Variants in SORBS2 observed in about 807,000 individuals in gnomAD.
SORBS2 encodes the protein sorbin and SH3 domain-containing protein 2.
Under a neutral mutation model 97.7 loss-of-function variants are expected in SORBS2, and 46 were observed. The ratio of observed to expected loss-of-function variants is 0.47; its 90% CI spans 0.37 to 0.60. The LOEUF (loss-of-function observed/expected upper bound fraction) is 0.60. Among genes scored for constraint, SORBS2 ranks in the 20% least tolerant of loss-of-function variants. The probability of loss-of-function intolerance (pLI) is 0.00; values close to 1 mark genes in which losing one functional copy is unlikely to be tolerated. For synonymous variants in SORBS2, 476 were observed against 473.4 expected (o/e 1.01, Z -0.07); for missense variants, 1,316 against 1,282.3 (o/e 1.03, Z -0.40).
intron 1 of SORBS2, among the ~76,000 whole-genome samples, chr4:185,911,386 C>T (rs1435281463): frequency 2.6e-5 from 4 of 152,008 alleles, no homozygotes; most frequent in African/African-American, 9.7e-5. Flanking sequence ...CACCACCATG[C>T]CTGGCTAATT....
chr4:185,724,106 T>C (rs1447678755), intron 2 of SORBS2, among the ~76,000 whole-genome samples: 4 of 152,230 alleles, frequency 2.6e-5, no homozygotes, highest in African/African-American at 9.6e-5. Context: ...CCTTTCGTTG[T>C]TTCAACTTCC....
At position 185,747,130 on chromosome 4, in the gene SORBS2, C is replaced by T. The variant is rs2098766862; in HGVS notation, c.-198+28097G>A. Among the ~76,000 whole-genome samples the T allele has an allele frequency of 2.0e-5, 3 of 152,086 alleles. No individual in the cohort carries two copies. The South Asian group carries it at 6.2e-4, about 32-fold the overall frequency. On this transcript the variant is annotated intron_variant, in intron 2 of 20. Transcript: ENST00000284776. Reference sequence around the variant, plus strand: ...GACACACAAAAAAGACACCAGACACCAGGGATGCATTCATAGAGGAAAGGC... The same window carrying T: ...GACACACAAAAAAGACACCAGACACTAGGGATGCATTCATAGAGGAAAGGC...
At chr4:185,890,615 A>G (rs531774149) in intron 1 of SORBS2, among the ~76,000 whole-genome samples, 1 of 152,220 alleles carries the variant, frequency 6.6e-6, no homozygotes, top group South Asian at 2.1e-4. Flanking sequence ...ATCACGCTCC[A>G]CTCAGTGGTC....
chr4:185,649,369 C>T (rs1337591728), intron 3 of SORBS2, 98 bp downstream of exon 12: 2 of 986,388 alleles, frequency 2.0e-6, no homozygotes, highest in African/African-American at 1.7e-5. Context: ...CACATCCGCT[C>T]TCTCTGTGGC....
chr4:185,874,317 C>G (rs189014782), intron 1 of SORBS2, among the ~76,000 whole-genome samples: 1 of 151,946 alleles, frequency 6.6e-6, no homozygotes, highest in Non-Finnish European at 1.5e-5. Context: ...ATGCATAACT[C>G]GAGGAGAAAA....
chr4:185,589,753 T>C (rs2095876950), exon 14 of SORBS2: 1 of 1,611,134 alleles, frequency 6.2e-7, no homozygotes, highest in African/African-American at 1.3e-5. Flanking sequence ...CTCATCTTCA[T>C]TCCTGGGAGT....
intron 2 of SORBS2, among the ~76,000 whole-genome samples, chr4:185,736,405 T>G (rs2098688024): frequency 6.6e-6 from 1 of 152,128 alleles, no homozygotes; most frequent in Non-Finnish European, 1.5e-5. Flanking sequence ...CCTGCAAAGG[T>G]AAAAGAAGCC....
At chr4:185,832,789 G>T (rs1031757055) in intron 1 of SORBS2, among the ~76,000 whole-genome samples, 1 of 152,172 alleles carries the variant, frequency 6.6e-6, no homozygotes, top group Non-Finnish European at 1.5e-5. Flanking sequence ...GGAAAAAAGT[G>T]TATATGTATC....
chr4:185,783,552 T>C (rs906001014), intron 1 of SORBS2, among the ~76,000 whole-genome samples: 1 of 152,108 alleles, frequency 6.6e-6, no homozygotes, highest in Non-Finnish European at 1.5e-5. Flanking sequence ...ACCAGCAAAG[T>C]CAATCCATTA....
At chr4:185,940,887 G>T (rs1415113721) in intron 1 of SORBS2, among the ~76,000 whole-genome samples, 1 of 152,084 alleles carries the variant, frequency 6.6e-6, no homozygotes, top group South Asian at 2.1e-4. Flanking sequence ...TTTCAGTCAG[G>T]AGAGACTTTT....
chr4:185,926,852 C>T (rs2099263952), intron 1 of SORBS2, among the ~76,000 whole-genome samples: 1 of 151,996 alleles, frequency 6.6e-6, no homozygotes, highest in Non-Finnish European at 1.5e-5. Flanking sequence ...TCATCCATTG[C>T]TGACCCTGAC....
chr4:185,888,254 G>A (rs1033969208), intron 1 of SORBS2, among the ~76,000 whole-genome samples: 4 of 152,080 alleles, frequency 2.6e-5, no homozygotes, highest in Non-Finnish European at 4.4e-5. Flanking sequence ...GGTCTTTGGA[G>A]AATGTGATTA....
chr4:185,629,774 G>A (rs1311758884), intron 5 of SORBS2, among the ~76,000 whole-genome samples: 2 of 151,950 alleles, frequency 1.3e-5, no homozygotes, highest in Non-Finnish European at 2.9e-5. Context: ...TGATGGCCAG[G>A]ATGGTCTCAA....
rs772695412 is a variant in SORBS2, at chr4:185,933,735, T to C, written c.-338+22461A>G. Among the ~76,000 whole-genome samples the C allele has an allele frequency of 1.4e-3, 209 of 152,106 alleles. 1 individual carries two copies. The highest frequency in any genetic ancestry group is 2.2e-3 in the Non-Finnish European group (150 of 68,034). On this transcript the variant is annotated intron_variant, in intron 1 of 20. Coordinates refer to the SORBS2 transcript ENST00000284776. ...AATGACCTAATCTTACCTAATCTGT[T>C]AATTTACCAGCCACTCATTTCCCAA...
At chr4:185,668,009 A>G (rs1335576648) in intron 4 of SORBS2, among the ~76,000 whole-genome samples, 1 of 152,186 alleles carries the variant, frequency 6.6e-6, no homozygotes, top group African/African-American at 2.4e-5. Context: ...GGATGTTTCC[A>G]TGTAATACGA....
chr4:185,647,119 G>A (rs2306709), intron 3 of SORBS2, among the ~76,000 whole-genome samples: 69,734 of 152,028 alleles, frequency 0.46, 16,254 homozygotes, highest in South Asian at 0.51. Flanking sequence ...GTGACAAGGA[G>A]TAATGCACAC....
At chr4:185,844,079 C>T (rs900634139) in intron 1 of SORBS2, among the ~76,000 whole-genome samples, 1 of 152,112 alleles carries the variant, frequency 6.6e-6, no homozygotes, top group Admixed American at 6.5e-5. Flanking sequence ...AGAACAGAAC[C>T]CACACCTTCA....
intron 1 of SORBS2, among the ~76,000 whole-genome samples, chr4:185,895,477 G>A (rs540549673): frequency 3.3e-5 from 5 of 152,334 alleles, no homozygotes; most frequent in East Asian, 1.9e-4. Flanking sequence ...TGGCAGCGGC[G>A]TGAGCATCCG....
At chr4:185,832,258 A>T (rs995819299) in intron 1 of SORBS2, among the ~76,000 whole-genome samples, 6 of 152,196 alleles carry the variant, frequency 3.9e-5, no homozygotes, top group Non-Finnish European at 7.4e-5. Context: ...AACTTTATGT[A>T]AAAACCCCAT....
Sources: gnomAD v4.1 joint callset for allele counts (sites outside exome capture counted in the v4.1 genomes callset) on GRCh38, gnomAD v4.1.1 for gene constraint, MANE v1.5 for transcripts, NCBI Gene and HGNC (gene_info 2026-07-23, HGNC 2026-07-21) for gene names.